Variants in SMAD2 observed in about 807,000 individuals in gnomAD.
The protein encoded by SMAD2 is SMAD family member 2, also known as MAD homolog 2.
A neutral mutation model predicts 64.4 loss-of-function variants in SMAD2; 8 were observed. The ratio of observed to expected loss-of-function variants is 0.12; its 90% CI spans 0.07 to 0.22. The LOEUF is 0.22. Among genes scored for constraint, SMAD2 ranks in the 10% least tolerant of loss-of-function variants. The pLI is 1.00. For synonymous variants in SMAD2, 203 were observed against 195.8 expected, an observed-to-expected ratio of 1.04 and a Z score of -0.31; for missense variants, 289 against 561.2, an observed-to-expected ratio of 0.51 and a Z score of 4.90.
Position 47,851,291 on chromosome 18 carries a change from G to A in SMAD2, c.767C>T (p.Pro256Leu). ...PAELSPTTLS[P>L]VNHSLDLQPV... ...CAACTTACCCAAGCTATGATTAACA[G>A]GGGAAAGAGTAGTAGGAGATAGTTC... The change falls in exon 7 of 11, where the codon CCT becomes CTT. Residue 256 changes from proline to leucine, a missense_variant. Coordinates refer to ENST00000262160, the MANE Select transcript of SMAD2 (RefSeq NM_005901.6). 1 of 1,608,952 alleles carries A rather than the reference G, an allele frequency of 6.2e-7. No homozygotes were observed. The highest frequency in any genetic ancestry group is 8.5e-7 in the Non-Finnish European group (1 of 1,175,798).
At chr18:47,922,335 C>T (rs1158613457) in intron 1 of SMAD2, among the ~76,000 whole-genome samples, 1 of 152,168 alleles carries the variant, frequency 6.6e-6, no homozygotes, top group Non-Finnish European at 1.5e-5. Context: ...GTCAATCCTC[C>T]TTATCTGTGG....
At chr18:47,879,930 A>C (rs1229978843) in intron 2 of SMAD2, among the ~76,000 whole-genome samples, 1 of 152,150 alleles carries the variant, frequency 6.6e-6, no homozygotes, top group East Asian at 1.9e-4. Context: ...CATTTTCCTG[A>C]AGCCTACCGA....
intron 2 of SMAD2, among the ~76,000 whole-genome samples, chr18:47,875,308 G>A (rs181886148): frequency 1.3e-3 from 198 of 152,228 alleles, no homozygotes; most frequent in African/African-American, 4.4e-3. Context: ...TAACCACAAT[G>A]TATTTCCCAA....
chr18:47,875,825 G>A (rs754150098), intron 2 of SMAD2, among the ~76,000 whole-genome samples: 1 of 151,946 alleles, frequency 6.6e-6, no homozygotes, highest in Non-Finnish European at 1.5e-5. Context: ...AATGGATTAG[G>A]GACCTCAAAG....
chr18:47,815,353 T>C lies in SMAD2; in HGVS notation c.*26474A>G, dbSNP rs530449303. ...TTTCTGCATGATCTGAGTTTTAATG[T>C]GTGGGAGCTGGGAAGAGGGAAGAAC... is the stretch of plus-strand genomic sequence containing the variant. On this transcript the variant is annotated 3_prime_UTR_variant, in exon 11 of 11. Transcript: ENST00000262160. 6.6e-6 allele frequency: 1 copy of C among 152,324 alleles called. No homozygotes were observed. The highest frequency in any genetic ancestry group is 2.1e-4 in the South Asian group (1 of 4,822). 9.4% of individuals were successfully genotyped at this position (152,324 alleles called of 1,614,324 possible). A position where few individuals can be genotyped will look rare whatever the true frequency, so the allele number is the denominator to read the frequency against.
rs561577118 is a variant in SMAD2, at chr18:47,828,247, G to A, written c.*13580C>T. The A allele has an allele frequency of 1.2e-3, 184 of 154,224 alleles. No homozygotes were observed. The highest frequency in any genetic ancestry group is 1.5e-3 in the Non-Finnish European group (106 of 70,278). 9.6% of individuals were successfully genotyped at this position (154,224 alleles called of 1,614,324 possible). A position where few individuals can be genotyped will look rare whatever the true frequency, so the allele number is the denominator to read the frequency against. On this transcript the variant is annotated 3_prime_UTR_variant, in exon 11 of 11. Transcript: ENST00000262160. ...GGGAGGTGGGGGGCAGCCCCTGCTC[G>A]GCCAGCCGCCCCGTCCGGGAGGTGG...
chr18:47,901,518 GTCT>G (rs1179756489), intron 1 of SMAD2, among the ~76,000 whole-genome samples: 1 of 151,606 alleles, frequency 6.6e-6, no homozygotes, highest in Non-Finnish European at 1.5e-5. Flanking sequence ...TTTCTTTCTT[GTCT>G]TCTTCTGAAT....
rs1598732532 is a variant in SMAD2 at position 47,835,634 on chromosome 18, G to A, written c.*6193C>T. 1 of 193,628 alleles carries A rather than the reference G, an allele frequency of 5.2e-6. No individual in the cohort carries two copies. Among genetic ancestry groups the A allele is most frequent in the East Asian group, 8.1e-5 (1 of 12,334 alleles). 12.0% of individuals were successfully genotyped at this position (193,628 alleles called of 1,614,324 possible). On this transcript the variant is annotated 3_prime_UTR_variant, in exon 11 of 11. Coordinates refer to ENST00000262160, the MANE Select transcript of SMAD2 (RefSeq NM_005901.6). ...AAGGATAGAACTTAATATAGAACCA[G>A]AAATATGGCAAGTTACCTAGTGATT...
chr18:47,880,999 T>C (rs2032553342), intron 2 of SMAD2, among the ~76,000 whole-genome samples: 1 of 152,176 alleles, frequency 6.6e-6, no homozygotes, highest in Admixed American at 6.5e-5. Flanking sequence ...AAGTCTTACC[T>C]ATGGTGCTTC....
chr18:47,918,377 G>C (rs2034418624), intron 1 of SMAD2, among the ~76,000 whole-genome samples: 1 of 152,118 alleles, frequency 6.6e-6, no homozygotes, highest in Non-Finnish European at 1.5e-5. Flanking sequence ...CAGATCAAAA[G>C]ACTTCACTAG....
intron 2 of SMAD2, among the ~76,000 whole-genome samples, chr18:47,873,120 G>A (rs1418061047): frequency 6.6e-6 from 1 of 152,024 alleles, no homozygotes; most frequent in East Asian, 1.9e-4. Flanking sequence ...GATTACAGAA[G>A]TAAGTCAACG....
intron 1 of SMAD2, among the ~76,000 whole-genome samples, chr18:47,909,463 C>T (rs966289763): frequency 2.0e-5 from 3 of 152,102 alleles, no homozygotes; most frequent in Admixed American, 1.3e-4. Context: ...TCTGCCTGAA[C>T]GGGTTTTTAA....
intron 2 of SMAD2, among the ~76,000 whole-genome samples, chr18:47,886,404 T>C (rs933613045): frequency 2.0e-5 from 3 of 152,196 alleles, no homozygotes; most frequent in South Asian, 2.1e-4. Context: ...AGGCATCATA[T>C]AAAAATTACA....
intron 1 of SMAD2, among the ~76,000 whole-genome samples, chr18:47,915,341 A>G (rs1016769468): frequency 2.6e-5 from 4 of 152,204 alleles, no homozygotes; most frequent in Non-Finnish European, 5.9e-5. Flanking sequence ...GATACTGTTC[A>G]GTCCATGCTG....
At chr18:47,924,033 G>A (rs1390113872) in intron 1 of SMAD2, among the ~76,000 whole-genome samples, 1 of 152,130 alleles carries the variant, frequency 6.6e-6, no homozygotes, top group Non-Finnish European at 1.5e-5. Context: ...CGAATCACCT[G>A]AGGTCAGGAG....
chr18:47,924,021 G>A (rs1204087798), intron 1 of SMAD2, among the ~76,000 whole-genome samples: 1 of 152,134 alleles, frequency 6.6e-6, no homozygotes, highest in Non-Finnish European at 1.5e-5. Context: ...GGCCAAGGTG[G>A]GCGAATCACC....
rs545511485 is a variant in SMAD2 at position 47,859,783 on chromosome 18, G to A, written c.730+5276C>T. Among the ~76,000 whole-genome samples, 6 of 151,976 alleles carry A rather than the reference G, an allele frequency of 3.9e-5. No homozygotes were observed. In the East Asian group the frequency reaches 1.2e-3, roughly 29 times the overall value. Reference sequence around the variant, plus strand: ...ATGAATACAAACAAAACAGAAAAGAGACAAAGACAACAAAGACTACTGATT... The same window carrying A: ...ATGAATACAAACAAAACAGAAAAGAAACAAAGACAACAAAGACTACTGATT... On this transcript the variant is annotated intron_variant, in intron 6 of 10. Coordinates refer to ENST00000262160, the MANE Select transcript of SMAD2 (RefSeq NM_005901.6).
intron 1 of SMAD2, among the ~76,000 whole-genome samples, chr18:47,909,890 C>A (rs1307205436): frequency 6.6e-6 from 1 of 152,106 alleles, no homozygotes; most frequent in African/African-American, 2.4e-5. Flanking sequence ...ACATTAATAA[C>A]ATCTCTAAAT....
At chr18:47,898,827 A>G (rs1281679372) in intron 1 of SMAD2, among the ~76,000 whole-genome samples, 1 of 152,154 alleles carries the variant, frequency 6.6e-6, no homozygotes, top group Non-Finnish European at 1.5e-5. Context: ...GATTTTCCTG[A>G]GGAAATATTT....
Sources: gnomAD v4.1 joint callset for allele counts (sites outside exome capture counted in the v4.1 genomes callset) on GRCh38, gnomAD v4.1.1 for gene constraint, MANE v1.5 for transcripts, NCBI Gene and HGNC (gene_info 2026-07-23, HGNC 2026-07-21) for gene names.